Variants in PCMTD1 observed in about 807,000 individuals in gnomAD.
PCMTD1 encodes the protein protein-L-isoaspartate (D-aspartate) O-methyltransferase domain containing 1, also known as protein-L-isoaspartate O-methyltransferase domain-containing protein 1.
Under a neutral mutation model 37.6 loss-of-function variants are expected in PCMTD1, and 12 were observed. The observed-to-expected ratio is 0.32, with a 90% CI of 0.20 to 0.52. PCMTD1 has a LOEUF of 0.52. Ranked by LOEUF, PCMTD1 falls within the 20% of genes least tolerant of loss-of-function variation. The pLI is 0.97. For missense variants in PCMTD1, 235 were observed against 421.3 expected (o/e 0.56, Z 3.87); for synonymous variants, 117 against 135.8 (o/e 0.86, Z 0.96).
At chr8:51,865,721 CAAT>C (rs1230056202) in intron 1 of PCMTD1, among the ~76,000 whole-genome samples, 7 of 151,864 alleles carry the variant, frequency 4.6e-5, no homozygotes, top group African/African-American at 1.4e-4. Context: ...CAAACATACT[CAAT>C]GATGAAAAGT....
rs370204555 is a variant in PCMTD1 at position 51,852,031 on chromosome 8, G to C, written c.308-6268C>G. Among the ~76,000 whole-genome samples the C allele has an allele frequency of 3.9e-4, 59 of 152,266 alleles. 1 individual carries two copies. Among genetic ancestry groups the C allele is most frequent in the Middle Eastern group, 3.4e-3 (1 of 294 alleles). ...ATTCCACTGCACATCTATTTGTGAA[G>C]TACTTGAAGACACTTGGGACCAGCA... On this transcript the variant is annotated intron_variant, in intron 2 of 5. Coordinates refer to ENST00000522514, the MANE Select transcript of PCMTD1 (RefSeq NM_052937.4).
chr8:51,837,614 G>C (rs916645020), intron 3 of PCMTD1, among the ~76,000 whole-genome samples: 1 of 152,012 alleles, frequency 6.6e-6, no homozygotes, highest in Non-Finnish European at 1.5e-5. Context: ...AAAGAAAAAA[G>C]CTCTCAAACT....
chr8:51,846,618 T>C (rs552057483), intron 2 of PCMTD1, among the ~76,000 whole-genome samples: 18 of 152,230 alleles, frequency 1.2e-4, no homozygotes, highest in Middle Eastern at 3.4e-3. Flanking sequence ...ACATTGGTCC[T>C]GGAAGGTGTC....
At chr8:51,837,924 G>C (rs752718069) in intron 3 of PCMTD1, among the ~76,000 whole-genome samples, 1 of 151,954 alleles carries the variant, frequency 6.6e-6, no homozygotes, top group Non-Finnish European at 1.5e-5. Flanking sequence ...GGACTACAGA[G>C]GTGGACCACC....
At chr8:51,866,328 C>G (rs570040250) in intron 1 of PCMTD1, among the ~76,000 whole-genome samples, 131 of 151,742 alleles carry the variant, frequency 8.6e-4, no homozygotes, top group African/African-American at 3.0e-3. Context: ...AGGAATCATA[C>G]AGGCAAAAAG....
At chr8:51,899,089 C>G (rs1489818359), upstream of PCMTD1, 1 of 1,481,540 alleles carries the variant, frequency 6.7e-7, no homozygotes, top group Admixed American at 2.3e-5. Flanking sequence ...TCCCGGACTC[C>G]GGAGCCGCCG....
intron 5 of PCMTD1, among the ~76,000 whole-genome samples, chr8:51,824,560 T>C (rs1237747157): frequency 6.6e-6 from 1 of 152,144 alleles, no homozygotes; most frequent in African/African-American, 2.4e-5. Flanking sequence ...CACAAACAAA[T>C]GGAAAAACAT....
At chr8:51,853,704 T>G (rs1479080846) in intron 2 of PCMTD1, among the ~76,000 whole-genome samples, 2 of 152,036 alleles carry the variant, frequency 1.3e-5, no homozygotes, top group East Asian at 3.9e-4. Context: ...GAAAATAAAC[T>G]TAAGTGTTAG....
intron 4 of PCMTD1, among the ~76,000 whole-genome samples, chr8:51,832,527 T>C (rs577595069): frequency 1.1e-4 from 17 of 152,352 alleles, no homozygotes; most frequent in African/African-American, 3.6e-4. Flanking sequence ...TTAGATACTC[T>C]ACCTCTACTA....
chr8:51,891,773 T>C (rs978644072), intron 1 of PCMTD1, among the ~76,000 whole-genome samples: 3 of 151,152 alleles, frequency 2.0e-5, no homozygotes, highest in African/African-American at 7.3e-5. Flanking sequence ...AGAGGCTAAA[T>C]AGGTAGTACA....
intron 1 of PCMTD1, among the ~76,000 whole-genome samples, chr8:51,872,886 T>C (rs550759445): frequency 9.6e-4 from 147 of 152,362 alleles, no homozygotes; most frequent in Non-Finnish European, 1.5e-3. Context: ...TAAGTCATTA[T>C]CTTTTCTGGC....
chr8:51,892,843 T>C (rs2038954137), intron 1 of PCMTD1, among the ~76,000 whole-genome samples: 2 of 146,214 alleles, frequency 1.4e-5, no homozygotes, highest in South Asian at 4.3e-4. Context: ...TCATTGTACA[T>C]ACAAATAAAA....
chr8:51,876,218 T>C (rs2038711350), intron 1 of PCMTD1, among the ~76,000 whole-genome samples: 1 of 152,154 alleles, frequency 6.6e-6, no homozygotes, highest in Non-Finnish European at 1.5e-5. Context: ...TAAAATACTT[T>C]TGATTTTAGG....
intron 1 of PCMTD1, chr8:51,895,955 T>C (rs1181207844): frequency 1.9e-4 from 28 of 147,254 alleles, no homozygotes. Flanking sequence ...TTTTTTTTTT[T>C]TTTTTTTTGA....
intron 1 of PCMTD1, among the ~76,000 whole-genome samples, chr8:51,876,394 AC>A (rs200859406): frequency 2.2e-4 from 15 of 67,726 alleles, no homozygotes; most frequent in Non-Finnish European, 8.8e-4. Context: ...AAACACACAC[AC>A]AAAAAAAAAT....
chr8:51,844,933 AC>A (rs2038197120), intron 3 of PCMTD1: 2 of 152,206 alleles, frequency 1.3e-5, no homozygotes, highest in Admixed American at 1.3e-4. Flanking sequence ...CCTTTTTAAC[AC>A]TTTTTCTCTT....
chr8:51,889,595 ATTCT>A (rs1368915948), intron 1 of PCMTD1, among the ~76,000 whole-genome samples: 1 of 152,220 alleles, frequency 6.6e-6, no homozygotes, highest in Non-Finnish European at 1.5e-5. Flanking sequence ...AACTGAAGTC[ATTCT>A]GAGTCTTAGT....
chr8:51,845,529 T>C (rs1422634594), intron 3 of PCMTD1, 132 bp downstream of exon 3: 1 of 554,046 alleles, frequency 1.8e-6, no homozygotes, highest in Non-Finnish European at 3.2e-6. Flanking sequence ...TAACTTTTTC[T>C]CATTTTATGG....
intron 2 of PCMTD1, among the ~76,000 whole-genome samples, chr8:51,856,453 T>C (rs1391352763): frequency 6.6e-6 from 1 of 152,220 alleles, no homozygotes; most frequent in Non-Finnish European, 1.5e-5. Context: ...ACTTTGTTGG[T>C]CTCTTAAAAA....
Sources: gnomAD v4.1 joint callset for allele counts (sites outside exome capture counted in the v4.1 genomes callset) on GRCh38, gnomAD v4.1.1 for gene constraint, MANE v1.5 for transcripts, NCBI Gene and HGNC (gene_info 2026-07-23, HGNC 2026-07-21) for gene names.